ANKRD62: variants seen among roughly 807,000 people sequenced by gnomAD.
The protein encoded by ANKRD62 is ankyrin repeat domain-containing protein 62.
Under a neutral mutation model 98.8 loss-of-function variants are expected in ANKRD62, and 61 were observed. That is an observed-to-expected ratio of 0.62 (90% CI 0.50 to 0.76). The LOEUF (loss-of-function observed/expected upper bound fraction) is 0.76. ANKRD62 is among the 30% of genes least tolerant of loss of function. The pLI is 0.00. For synonymous variants in ANKRD62, 341 were observed against 367.9 expected (o/e 0.93, Z 0.84); for missense variants, 933 against 1,082.9 (o/e 0.86, Z 1.94).
At chr18:12,135,629 CAATGGTTG>C in the ANKRD62 span, among the ~76,000 whole-genome samples, 8 of 151,592 alleles carry the variant, frequency 5.3e-5, no homozygotes, top group Non-Finnish European at 1.0e-4. Context: ...CTGACTTCCA[CAATGGTTG>C]AACTAGTTTA....
chr18:12,154,295 A>G, the ANKRD62 span, among the ~76,000 whole-genome samples: 1,779 of 152,342 alleles, frequency 0.012, 33 homozygotes, highest in African/African-American at 0.041. Context: ...GGACATGAAC[A>G]GACACTTTCC....
chr18:12,119,346 C>CTTTT (rs56255574), intron 10 of ANKRD62, among the ~76,000 whole-genome samples: 12 of 132,504 alleles, frequency 9.1e-5, no homozygotes, highest in African/African-American at 1.7e-4. Context: ...TGATCTTCTT[C>CTTTT]TTTTTTTTTT....
the ANKRD62 span, among the ~76,000 whole-genome samples, chr18:12,181,193 G>C: frequency 6.6e-6 from 1 of 151,824 alleles, no homozygotes. Context: ...ACTAAAATCA[G>C]ATAAGGTAAA....
the ANKRD62 span, among the ~76,000 whole-genome samples, chr18:12,154,842 A>G: frequency 6.6e-6 from 1 of 152,236 alleles, no homozygotes; most frequent in African/African-American, 2.4e-5. Flanking sequence ...GCTGGAGGCC[A>G]TTATCCTTAA....
At chr18:12,096,872 A>G (rs1244208236) in intron 4 of ANKRD62, among the ~76,000 whole-genome samples, 1 of 151,814 alleles carries the variant, frequency 6.6e-6, no homozygotes, top group Non-Finnish European at 1.5e-5. Context: ...TCTTCTTTTT[A>G]CTTCTAGTGT....
At chr18:12,158,537 T>A in the ANKRD62 span, among the ~76,000 whole-genome samples, 1 of 151,940 alleles carries the variant, frequency 6.6e-6, no homozygotes, top group Non-Finnish European at 1.5e-5. Context: ...TATTTTTTAT[T>A]TTTTTTGAGA....
rs147193953 is a variant in ANKRD62 at position 12,125,723 on chromosome 18, G to A, written c.1902G>A (p.Met634Ile). The A allele has an allele frequency of 5.1e-5, 79 of 1,542,762 alleles. No homozygotes were observed. The African/African-American group carries it at 9.8e-4, about 19-fold the overall frequency. ...ATGTTCTGATGGATGAGAATACAAT[G>A]CTCAATTCTGAGCTACAGAAGGAAA... ...ELNVLMDENT[M>I]LNSELQKEKQ... is the part of the protein sequence containing the mutation. The change falls in exon 13 of 14, where the codon ATG becomes ATA. Residue 634 changes from methionine to isoleucine, a missense_variant. Around this residue, in one of 3 missense-constraint regions of ANKRD62, gnomAD observed 362 missense variants for 434.5 expected, o/e 0.83. Coordinates refer to ENST00000587848, the MANE Select transcript of ANKRD62 (RefSeq NM_001277333.2).
intron 8 of ANKRD62, among the ~76,000 whole-genome samples, chr18:12,107,912 CA>C (rs1301518136): frequency 6.6e-6 from 1 of 152,034 alleles, no homozygotes; most frequent in Non-Finnish European, 1.5e-5. Flanking sequence ...TCTTGTATAT[CA>C]TATATATAAC....
the ANKRD62 span, among the ~76,000 whole-genome samples, chr18:12,167,775 C>T: frequency 6.6e-6 from 1 of 152,194 alleles, no homozygotes; most frequent in African/African-American, 2.4e-5. Flanking sequence ...CCTATTTCTC[C>T]ATATCCTCTC....
At chr18:12,107,548 A>G (rs1225705226) in intron 8 of ANKRD62, 81 bp downstream of exon 8, 3 of 1,105,430 alleles carry the variant, frequency 2.7e-6, no homozygotes, top group Non-Finnish European at 3.5e-6. Context: ...AATATGTACG[A>G]TTAACAAATT....
chr18:12,167,297 C>T, the ANKRD62 span, among the ~76,000 whole-genome samples: 2 of 151,772 alleles, frequency 1.3e-5, no homozygotes, highest in African/African-American at 2.4e-5. Context: ...TCCCCCACCC[C>T]GTGACAAGCC....
At chr18:12,102,751 C>A in intron 6 of ANKRD62, 3 of 1,001,572 alleles carry the variant, frequency 3.0e-6, no homozygotes, top group Non-Finnish European at 3.6e-6. Flanking sequence ...TTGGAAGTTA[C>A]TCATAATAAG....
chr18:12,095,017 G>T, intron 1 of ANKRD62, among the ~76,000 whole-genome samples, 154 bp from the exon 2 acceptor site: 1 of 151,870 alleles, frequency 6.6e-6, no homozygotes, highest in East Asian at 1.9e-4. Context: ...CAGCACCTGG[G>T]ATGTGGAAAC....
chr18:12,117,126 G>A (rs62097601), intron 10 of ANKRD62, among the ~76,000 whole-genome samples: 258 of 152,196 alleles, frequency 1.7e-3, no homozygotes, highest in Non-Finnish European at 2.4e-3. Context: ...TCACTTATTA[G>A]TCCTGGTACT....
At chr18:12,150,858 A>G in the ANKRD62 span, among the ~76,000 whole-genome samples, 1 of 152,202 alleles carries the variant, frequency 6.6e-6, no homozygotes, top group African/African-American at 2.4e-5. Context: ...TTAAATACAC[A>G]GACCACTGAC....
Position 12,126,264 on chromosome 18 carries a change from G to A in ANKRD62, c.2443G>A (p.Val815Ile), listed in dbSNP as rs201372023. 3.3e-4 allele frequency: 502 copies of A among 1,535,892 alleles called. No individual in the cohort carries two copies. Among genetic ancestry groups the A allele is most frequent in the Non-Finnish European group, 4.1e-4 (473 of 1,146,804 alleles). ...TATCCAAGTCAAATGTGAAGATACT[G>A]TAGAAAAACTTCAAGCTGAGTGTAG... ...INIQVKCEDT[V>I]EKLQAECRKL... Residue 815 changes from valine to isoleucine, a missense_variant, in exon 13 of 14, where the codon GTA becomes ATA. By Grantham distance (29) the Val-to-Ile change is conservative. Transcript: ENST00000587848.
At chr18:12,101,668 T>G (rs1038399601) in intron 6 of ANKRD62, among the ~76,000 whole-genome samples, 30 of 152,146 alleles carry the variant, frequency 2.0e-4, no homozygotes, top group Admixed American at 1.3e-4. Flanking sequence ...TTAATAGTAA[T>G]AAAGCTGGAT....
intron 12 of ANKRD62, 54 bp downstream of exon 12, chr18:12,124,374 A>G (rs2143931262): frequency 5.2e-6 from 3 of 572,112 alleles, no homozygotes; most frequent in East Asian, 3.2e-5. Flanking sequence ...TATTAATATT[A>G]CTTAGAATAT....
downstream of ANKRD62, among the ~76,000 whole-genome samples, chr18:12,134,643 C>G (rs1378635868): frequency 1.3e-5 from 2 of 151,930 alleles, no homozygotes; most frequent in Non-Finnish European, 2.9e-5. Context: ...TTTGTCCTTG[C>G]GATAGTTTGC....
Sources: allele counts gnomAD v4.1 joint callset (sites outside exome capture counted in the v4.1 genomes callset), GRCh38; gene constraint gnomAD v4.1.1; regional missense constraint gnomAD v4.1.1; transcripts MANE v1.5; gene names NCBI Gene and HGNC (gene_info 2026-07-23, HGNC 2026-07-21).